DYNC2H1: variants seen among roughly 807,000 people sequenced by gnomAD.
The protein encoded by DYNC2H1 is dynein cytoplasmic 2 heavy chain 1, also known as cytoplasmic dynein 2 heavy chain 1.
In DYNC2H1, 410 loss-of-function variants were observed where a neutral mutation model predicts 570.0. The observed-to-expected ratio is 0.72, with a 90% CI of 0.66 to 0.78. DYNC2H1 has a LOEUF of 0.78. Among genes scored for constraint, DYNC2H1 ranks in the 30% least tolerant of loss-of-function variants. The pLI, the probability that DYNC2H1 is intolerant of heterozygous loss-of-function variation, is 0.00. For synonymous variants in DYNC2H1, 1,688 were observed against 1,677.6 expected (o/e 1.01, Z -0.15); for missense variants, 4,865 against 5,046.4 (o/e 0.96, Z 1.09).
At chr11:103,184,234 T>C (rs928523204) in intron 40 of DYNC2H1, among the ~76,000 whole-genome samples, 1 of 151,950 alleles carries the variant, frequency 6.6e-6, no homozygotes, top group Non-Finnish European at 1.5e-5. Flanking sequence ...TTGAGCTCCA[T>C]GAAGACAGGG....
At chr11:103,411,893 G>A (rs1282770785) in intron 84 of DYNC2H1, among the ~76,000 whole-genome samples, 1 of 151,968 alleles carries the variant, frequency 6.6e-6, no homozygotes, top group Non-Finnish European at 1.5e-5. Context: ...TGAAATATTT[G>A]TATTATTTGC....
At chr11:103,309,325 A>G (rs1024911117) in intron 78 of DYNC2H1, among the ~76,000 whole-genome samples, 4 of 150,036 alleles carry the variant, frequency 2.7e-5, no homozygotes, top group African/African-American at 9.8e-5. Flanking sequence ...CAGGTGCTTC[A>G]CCACACCCAG....
At chr11:103,346,282 T>A (rs1939740639) in intron 82 of DYNC2H1, among the ~76,000 whole-genome samples, 1 of 152,210 alleles carries the variant, frequency 6.6e-6, no homozygotes, top group Non-Finnish European at 1.5e-5. Flanking sequence ...CTTGGTAAAT[T>A]CATTTCTGAA....
intron 84 of DYNC2H1, among the ~76,000 whole-genome samples, chr11:103,421,631 T>C (rs601518): frequency 0.56 from 84,402 of 151,876 alleles, 24,075 homozygotes; most frequent in East Asian, 0.72. Context: ...GAAATTAAGG[T>C]GGAAATCAAG....
At chr11:103,387,251 G>A (rs1941924896) in intron 83 of DYNC2H1, among the ~76,000 whole-genome samples, 1 of 152,186 alleles carries the variant, frequency 6.6e-6, no homozygotes, top group Admixed American at 6.5e-5. Flanking sequence ...CTGATGGCCA[G>A]TGATGATGAG....
At chr11:103,433,812 A>C (rs978269578) in intron 84 of DYNC2H1, among the ~76,000 whole-genome samples, 1 of 152,118 alleles carries the variant, frequency 6.6e-6, no homozygotes, top group Admixed American at 6.6e-5. Context: ...CCGCATAAAT[A>C]TTGTTCCCAT....
At chr11:103,476,020 T>C (rs367585475) in intron 88 of DYNC2H1, among the ~76,000 whole-genome samples, 24 of 152,218 alleles carry the variant, frequency 1.6e-4, no homozygotes, top group African/African-American at 5.5e-4. Context: ...TAGGCAATCA[T>C]AGATTCAGAT....
chr11:103,177,493 A>T lies in DYNC2H1; in HGVS notation c.5875-63A>T, dbSNP rs960116809. The T allele has an allele frequency of 1.8e-5, 27 of 1,508,740 alleles. No individual in the cohort carries two copies. The highest frequency in any genetic ancestry group is 2.0e-5 in the Non-Finnish European group (23 of 1,123,942). The allele number at this position is 1,508,740 out of a possible 1,614,324, so 93.5% of individuals were successfully genotyped here. ...ACATTAGAACAAGTGTTACAGAATA[A>T]AAGCAGAACTAAGTATGATTGAATA... On this transcript the variant is annotated intron_variant, in intron 37 of 88. Transcript: ENST00000375735. The surrounding 1 kb of genome is among the most constrained non-coding windows in gnomAD (Gnocchi z 4.4).
At position 103,153,409 on chromosome 11, in the gene DYNC2H1, T is replaced by G. The variant is rs2134879666; in HGVS notation, c.3203T>G (p.Ile1068Ser). The change falls in exon 22 of 89, where the codon ATT becomes AGT. Residue 1068 changes from isoleucine (I) to serine (S), a missense_variant. Around this residue, in one of 5 missense-constraint regions of DYNC2H1, gnomAD observed 1,936 missense variants for 1,962.1 expected, o/e 0.99. Coordinates refer to ENST00000375735, the MANE Select transcript of DYNC2H1 (RefSeq NM_001377.3). Reference protein sequence around the residue: ...WDQLKPGDDVIETGQHNTLDK... With the variant: ...WDQLKPGDDVSETGQHNTLDK... ...CAACTAAAGCCTGGTGATGATGTTA[T>G]TGAAACTGGCCAACATAATACTCTT... 6.4e-7 allele frequency: 1 copy of G among 1,561,256 alleles called. No individual in the cohort carries two copies. The highest frequency in any genetic ancestry group is 2.4e-5 in the East Asian group (1 of 42,426).
At chr11:103,183,474 C>T (rs1861936557) in intron 40 of DYNC2H1, among the ~76,000 whole-genome samples, 1 of 151,734 alleles carries the variant, frequency 6.6e-6, no homozygotes, top group Admixed American at 6.6e-5. Context: ...TGAGGTCACA[C>T]CGCTGTTTGT....
rs1044950505 is a variant in DYNC2H1 at position 103,472,126 on chromosome 11, A to C, written c.12765+3421A>C. On this transcript the variant is annotated intron_variant, in intron 88 of 88. Transcript: ENST00000375735. This position sits in a 1 kb window ranked among gnomAD's most constrained non-coding sequence, Gnocchi z 4.1. ...CTGGAGGGTATAGTTCATATGGAAG[A>C]ATGGTGGGGGATGCGGCCAGAAAGG... Among the ~76,000 whole-genome samples the C allele has an allele frequency of 6.6e-6, 1 of 152,180 alleles. No homozygotes were observed. Among genetic ancestry groups the C allele is most frequent in the Non-Finnish European group, 1.5e-5 (1 of 68,032 alleles).
chr11:103,211,810 C>A lies in DYNC2H1; in HGVS notation c.8561C>A (p.Ser2854Ter). ...KNSVDPDFLK[S>*]FLLIHESCKA... ...CTAGTTGATCCTGATTTTCTAAAAT[C>A]ATTTTTATTAATCCATGAATCTTGT... Residue 2854 changes from serine (S) to a stop codon, truncating the protein, a stop_gained, in exon 54 of 89, where the codon TCA (serine) becomes TAA (stop). Coordinates refer to ENST00000375735, the MANE Select transcript of DYNC2H1 (RefSeq NM_001377.3). LOFTEE classifies it high-confidence loss of function. 7.1e-7 allele frequency: 1 copy of A among 1,401,054 alleles called. No homozygotes were observed. Among genetic ancestry groups the A allele is most frequent in the Non-Finnish European group, 9.4e-7 (1 of 1,063,632 alleles). The allele number at this position is 1,401,054 out of a possible 1,614,324, so 86.8% of individuals were successfully genotyped here.
rs948166356 is a variant in DYNC2H1, at chr11:103,158,823, GA to G, written c.4260+21del. ...GAATTTTTGGAGGCATGTTTTTTAAGAAAAAAATATATAATAAATTGTAAAG... is the reference window on the plus strand; with the variant it reads ...GAATTTTTGGAGGCATGTTTTTTAAGAAAAAATATATAATAAATTGTAAAG... On this transcript the variant is annotated intron_variant, in intron 27 of 88. Coordinates refer to ENST00000375735, the MANE Select transcript of DYNC2H1 (RefSeq NM_001377.3). 21 of 1,454,264 alleles carry G rather than the reference GA, an allele frequency of 1.4e-5. No individual in the cohort carries two copies. The highest frequency in any genetic ancestry group is 1.7e-5 in the Non-Finnish European group (18 of 1,087,062). The allele number at this position is 1,454,264 out of a possible 1,614,324, so 90.1% of individuals were successfully genotyped here. A position where few individuals can be genotyped will look rare whatever the true frequency, so the allele number is the denominator to read the frequency against.
rs1944166530 is a variant in DYNC2H1 at position 103,439,032 on chromosome 11, T to G, written c.12456+3000T>G. On this transcript the variant is annotated intron_variant, in intron 85 of 88. Coordinates refer to ENST00000375735, the MANE Select transcript of DYNC2H1 (RefSeq NM_001377.3). This position sits in a 1 kb window ranked among gnomAD's most constrained non-coding sequence, Gnocchi z 4.1. ...AATACTTTCCTGGTGCCAAACACTG[T>G]GTGAGGTTGCTGAATATAGAGTGGT... is the stretch of plus-strand genomic sequence containing the variant. Among the ~76,000 whole-genome samples the G allele has an allele frequency of 6.6e-6, 1 of 152,090 alleles. No individual in the cohort carries two copies. Among genetic ancestry groups the G allele is most frequent in the African/African-American group, 2.4e-5 (1 of 41,412 alleles).
chr11:103,152,292 A>G lies in DYNC2H1; in HGVS notation c.3096+7A>G, dbSNP rs780157015. On this transcript the variant is annotated splice_region_variant and intron_variant, in intron 21 of 88. Transcript: ENST00000375735. ...ACTTATGATTAAAGACCAGGTTAGAATCTTTTAATTATTTATTAAAATGGG... is the reference window on the plus strand; with the variant it reads ...ACTTATGATTAAAGACCAGGTTAGAGTCTTTTAATTATTTATTAAAATGGG... 3 of 1,573,164 alleles carry G rather than the reference A, an allele frequency of 1.9e-6. No homozygotes were observed. The highest frequency in any genetic ancestry group is 4.1e-5 in the Admixed American group (2 of 48,372).
chr11:103,434,861 G>C (rs970583743), intron 84 of DYNC2H1, among the ~76,000 whole-genome samples: 1 of 151,978 alleles, frequency 6.6e-6, no homozygotes, highest in Non-Finnish European at 1.5e-5. Flanking sequence ...ATGGTAACTG[G>C]CTTCTAAGAT....
chr11:103,124,267 C>T (rs921570908), intron 11 of DYNC2H1, among the ~76,000 whole-genome samples: 2 of 151,410 alleles, frequency 1.3e-5, no homozygotes, highest in Non-Finnish European at 2.9e-5. Flanking sequence ...AGCAACATGG[C>T]GAAATCCTGT....
At position 103,154,298 on chromosome 11, in the gene DYNC2H1, T is replaced by C. The variant is rs78204550; in HGVS notation, c.3303-153T>C. ...AGGTAGTTTCTTAATGTTCTTATTGTAGTTTCTTATTGTTTCTTATTGTAT... is the reference window on the plus strand; with the variant it reads ...AGGTAGTTTCTTAATGTTCTTATTGCAGTTTCTTATTGTTTCTTATTGTAT... On this transcript the variant is annotated intron_variant, in intron 22 of 88. Coordinates refer to ENST00000375735, the MANE Select transcript of DYNC2H1 (RefSeq NM_001377.3). 1.4e-4 allele frequency among the ~76,000 whole-genome samples: 21 copies of C among 151,872 alleles called. No individual in the cohort carries two copies. In the East Asian group the frequency reaches 3.9e-3, roughly 28 times the overall value.
chr11:103,429,489 A>G (rs1053751144), intron 84 of DYNC2H1, among the ~76,000 whole-genome samples: 1 of 152,154 alleles, frequency 6.6e-6, no homozygotes, highest in African/African-American at 2.4e-5. Context: ...CTACAGAAAT[A>G]CTGTGATGTA....
Sources: gnomAD v4.1 joint callset for allele counts (sites outside exome capture counted in the v4.1 genomes callset) on GRCh38, gnomAD v4.1.1 for gene constraint, gnomAD v4.1.1 regional missense constraint, Gnocchi (gnomAD v3.1) non-coding constraint, MANE v1.5 for transcripts, NCBI Gene and HGNC (gene_info 2026-07-23, HGNC 2026-07-21) for gene names.